FIBIN: variants seen among roughly 807,000 people sequenced by gnomAD.
The protein encoded by FIBIN is fin bud initiation factor homolog.
In FIBIN, 8 loss-of-function variants were observed where a neutral mutation model predicts 13.0. That is an observed-to-expected ratio of 0.62 (90% CI 0.36 to 1.11). The LOEUF is 1.11. Ranked by LOEUF, FIBIN falls within the 50% of genes most tolerant of loss-of-function variation. The pLI is 0.02. For missense variants in FIBIN, 261 were observed against 260.2 expected (o/e 1.00, Z -0.02); for synonymous variants, 127 against 114.7 (o/e 1.11, Z -0.69).
At position 26,995,007 on chromosome 11, in the gene FIBIN, G is replaced by A. The variant is rs1372343654; in HGVS notation, c.481G>A (p.Asp161Asn). ...CCGGCAGGAGAGCAGGCTCAACGAG[G>A]ACTTTCTGGGAATGCTGGTCCACAC... The part of the protein sequence containing the change: ...DSRQESRLNE[D>N]FLGMLVHTRS... The change falls in exon 1 of 1, where the codon GAC becomes AAC. Residue 161 changes from aspartate (D) to asparagine (N), a missense_variant. Physicochemically the swap from Asp to Asn is conservative, Grantham distance 23. Coordinates refer to ENST00000318627, the MANE Select transcript of FIBIN (RefSeq NM_203371.2). 1 of 1,613,948 alleles carries A rather than the reference G, an allele frequency of 6.2e-7. No homozygotes were observed. The highest frequency in any genetic ancestry group is 8.5e-7 in the Non-Finnish European group (1 of 1,180,038).
chr11:26,994,874 C>G lies in FIBIN; in HGVS notation c.348C>G (p.Gly116=). 1 of 1,599,318 alleles carries G rather than the reference C, an allele frequency of 6.3e-7. No individual in the cohort carries two copies. Among genetic ancestry groups the G allele is most frequent in the Admixed American group, 1.7e-5 (1 of 59,190 alleles). The change falls in exon 1 of 1, where the codon GGC becomes GGG. Residue 116 remains glycine, a synonymous_variant. Transcript: ENST00000318627. Reference sequence around the variant, plus strand: ...ACCTAGACGGGGAAGAGAGCTATGGCAAGTACCTGCGGCGGGAGTCCCACC... The same window carrying G: ...ACCTAGACGGGGAAGAGAGCTATGGGAAGTACCTGCGGCGGGAGTCCCACC... ...SYDLDGEESY[G]KYLRRESHQI... is the part of the protein sequence containing the mutation.
Position 26,994,262 on chromosome 11 carries a change from G to C in FIBIN, c.-265G>C. 2.4e-6 allele frequency: 1 copy of C among 412,964 alleles called. No individual in the cohort carries two copies. The highest frequency in any genetic ancestry group is 4.3e-6 in the Non-Finnish European group (1 of 233,078). 25.6% of individuals were successfully genotyped at this position (412,964 alleles called of 1,614,324 possible). ...CAGGGCCCCGGAGGAGGGGTTCCCC[G>C]CTACGCCTGTGCCGGAGGAGTTCCA... is the stretch of plus-strand genomic sequence containing the variant. On this transcript the variant is annotated 5_prime_UTR_variant, in exon 1 of 1. Transcript: ENST00000318627.
rs1321133719 is a variant in FIBIN, at chr11:26,996,050, AG to A, written c.*893del. 1 of 166,768 alleles carries A rather than the reference AG, an allele frequency of 6.0e-6. No homozygotes were observed. Among genetic ancestry groups the A allele is most frequent in the Admixed American group, 6.5e-5 (1 of 15,284 alleles). The allele number at this position is 166,768 out of a possible 1,614,324, so 10.3% of individuals were successfully genotyped here. A position where few individuals can be genotyped will look rare whatever the true frequency, so the allele number is the denominator to read the frequency against. Reference sequence around the variant, plus strand: ...TTTATTGGAAACTTGTACTTCAAGTAGGGGGAATCCTAATTCTAATAACTCC... The same window carrying A: ...TTTATTGGAAACTTGTACTTCAAGTAGGGGAATCCTAATTCTAATAACTCC... On this transcript the variant is annotated 3_prime_UTR_variant, in exon 1 of 1. Transcript: ENST00000318627.
At position 26,996,019 on chromosome 11, in the gene FIBIN, T is replaced by C. The variant is rs1850923423; in HGVS notation, c.*857T>C. 1 of 166,532 alleles carries C rather than the reference T, an allele frequency of 6.0e-6. No homozygotes were observed. The highest frequency in any genetic ancestry group is 6.5e-5 in the Admixed American group (1 of 15,296). 10.3% of individuals were successfully genotyped at this position (166,532 alleles called of 1,614,324 possible). On this transcript the variant is annotated 3_prime_UTR_variant, in exon 1 of 1. Transcript: ENST00000318627. ...TCTCATTTGGGGTTTTGCTTCTGTC[T>C]GTCTGTTTATTGGAAACTTGTACTT...
In FIBIN at chr11:26,994,498, G is replaced by T; in HGVS notation, c.-29G>T. On this transcript the variant is annotated 5_prime_UTR_variant, in exon 1 of 1. Transcript: ENST00000318627. ...GTGCCTGGGTAAAAAGTCTCCTCCT[G>T]GGGTCCCTGGCCATCCTGAATATCC... The T allele has an allele frequency of 1.9e-6, 3 of 1,564,398 alleles. No homozygotes were observed. Among genetic ancestry groups the T allele is most frequent in the Non-Finnish European group, 8.7e-7 (1 of 1,152,766 alleles).
chr11:26,996,344 A>C lies in FIBIN; in HGVS notation c.*1182A>C, dbSNP rs1304657637. Among the ~76,000 whole-genome samples the C allele has an allele frequency of 6.6e-6, 1 of 152,178 alleles. No homozygotes were observed. Among genetic ancestry groups the C allele is most frequent in the South Asian group, 2.1e-4 (1 of 4,830 alleles). On this transcript the variant is annotated 3_prime_UTR_variant, in exon 1 of 1. Transcript: ENST00000318627. ...TGCCCAAACTTTAAATTTGATCTCTATAGGTCTGCTTAAAGACTCAAATTT... is the reference window on the plus strand; with the variant it reads ...TGCCCAAACTTTAAATTTGATCTCTCTAGGTCTGCTTAAAGACTCAAATTT...
Position 26,995,249 on chromosome 11 carries a change from C to T in FIBIN, c.*87C>T. On this transcript the variant is annotated 3_prime_UTR_variant, in exon 1 of 1. Coordinates refer to ENST00000318627, the MANE Select transcript of FIBIN (RefSeq NM_203371.2). ...ACAGAAGATGGGGCTACATTTCCCC[C>T]ATACCTACTATTTTTTTATATCCCG... 2.3e-6 allele frequency: 3 copies of T among 1,310,254 alleles called. No individual in the cohort carries two copies. Among genetic ancestry groups the T allele is most frequent in the South Asian group, 3.0e-5 (2 of 66,072 alleles). 81.2% of individuals were successfully genotyped at this position (1,310,254 alleles called of 1,614,324 possible).
Position 26,995,217 on chromosome 11 carries a change from G to T in FIBIN, c.*55G>T. The T allele has an allele frequency of 6.6e-7, 1 of 1,512,326 alleles. No individual in the cohort carries two copies. The highest frequency in any genetic ancestry group is 8.9e-7 in the Non-Finnish European group (1 of 1,126,544). The allele number at this position is 1,512,326 out of a possible 1,614,324, so 93.7% of individuals were successfully genotyped here. Reference sequence around the variant, plus strand: ...AATCAAATCAGCCCCGTTTTGGAGGGTGGGGGACAGAAGATGGGGCTACAT... The same window carrying T: ...AATCAAATCAGCCCCGTTTTGGAGGTTGGGGGACAGAAGATGGGGCTACAT... On this transcript the variant is annotated 3_prime_UTR_variant, in exon 1 of 1. Coordinates refer to ENST00000318627, the MANE Select transcript of FIBIN (RefSeq NM_203371.2).
At position 26,994,758 on chromosome 11, in the gene FIBIN, C is replaced by G. The variant is rs1850905438; in HGVS notation, c.232C>G (p.Leu78Val). ...EGSQVGSLLS[L>V]TLREEFTVLG... The stretch of plus-strand genomic sequence containing the variant: ...GAGCCAGGTTGGCAGCCTGCTGAGC[C>G]TCACCCTGCGGGAGGAGTTCACCGT... Residue 78 changes from leucine (L) to valine (V), a missense_variant, in exon 1 of 1, where the codon CTC becomes GTC. Transcript: ENST00000318627. The G allele has an allele frequency of 6.2e-7, 1 of 1,613,122 alleles. No homozygotes were observed. The highest frequency in any genetic ancestry group is 1.3e-5 in the African/African-American group (1 of 74,868).
At position 26,994,479 on chromosome 11, in the gene FIBIN, G is replaced by A; in HGVS notation, c.-48G>A. ...CAAAGACACTCCCTTCCTTGTGCCT[G>A]GGTAAAAAGTCTCCTCCTGGGGTCC... On this transcript the variant is annotated 5_prime_UTR_variant, in exon 1 of 1. Transcript: ENST00000318627. 1.3e-6 allele frequency: 2 copies of A among 1,528,294 alleles called. No individual in the cohort carries two copies. The highest frequency in any genetic ancestry group is 1.9e-5 in the Admixed American group (1 of 51,336). 94.7% of individuals were successfully genotyped at this position (1,528,294 alleles called of 1,614,324 possible).
In FIBIN at chr11:26,994,143, T is replaced by G. The variant is rs7111860; in HGVS notation, c.-384T>G. On this transcript the variant is annotated 5_prime_UTR_variant, in exon 1 of 1. Transcript: ENST00000318627. ...ACCCAGTCCAGAAATTGAAATACTA[T>G]CAGGGGGCAAGAGCCTTTCTCTCCA... 14,293 of 184,360 alleles carry G rather than the reference T, an allele frequency of 0.078. 848 individuals carry two copies. Among genetic ancestry groups the G allele is most frequent in the African/African-American group, 0.16 (6,925 of 42,858 alleles). The allele number at this position is 184,360 out of a possible 1,614,324, so 11.4% of individuals were successfully genotyped here.
chr11:26,996,632 AAAAT>A lies in FIBIN; in HGVS notation c.*1479_*1482del, dbSNP rs1397709199. On this transcript the variant is annotated 3_prime_UTR_variant, in exon 1 of 1. Coordinates refer to ENST00000318627, the MANE Select transcript of FIBIN (RefSeq NM_203371.2). ...ACAGATACACACACACACACACACG[AAAAT>A]AAATAAATGTTCATATTCTTCTGTT... Among the ~76,000 whole-genome samples the A allele has an allele frequency of 1.3e-5, 2 of 152,150 alleles. No individual in the cohort carries two copies. The highest frequency in any genetic ancestry group is 1.9e-4 in the East Asian group (1 of 5,172).
In FIBIN at chr11:26,995,406, C is replaced by G; in HGVS notation, c.*244C>G. 2.4e-6 allele frequency: 1 copy of G among 413,368 alleles called. No individual in the cohort carries two copies. Among genetic ancestry groups the G allele is most frequent in the Non-Finnish European group, 4.4e-6 (1 of 226,758 alleles). The allele number at this position is 413,368 out of a possible 1,614,324, so 25.6% of individuals were successfully genotyped here. On this transcript the variant is annotated 3_prime_UTR_variant, in exon 1 of 1. Coordinates refer to ENST00000318627, the MANE Select transcript of FIBIN (RefSeq NM_203371.2). Reference sequence around the variant, plus strand: ...TTATGGAATTGTCACCTGGAAAGAACAATTTTAAGCAATGTCATTTCTAGA... The same window carrying G: ...TTATGGAATTGTCACCTGGAAAGAAGAATTTTAAGCAATGTCATTTCTAGA...
Position 26,995,094 on chromosome 11 carries a change from C to T in FIBIN, c.568C>T (p.Leu190=). 6.2e-7 allele frequency: 1 copy of T among 1,613,978 alleles called. No individual in the cohort carries two copies. The highest frequency in any genetic ancestry group is 8.5e-7 in the Non-Finnish European group (1 of 1,179,960). ...GGGGCTCAGGGACAAATACGAGCTG[C>T]TGGCCCTCACCATTAGGAGCCATGG... ...SVGLRDKYEL[L]ALTIRSHGTR... Residue 190 remains leucine, a synonymous_variant, in exon 1 of 1, where the codon CTG becomes TTG. Transcript: ENST00000318627.
In FIBIN at chr11:26,995,148, T is replaced by C. The variant is rs1246951384; in HGVS notation, c.622T>C (p.Tyr208His). Residue 208 changes from tyrosine to histidine, a missense_variant, in exon 1 of 1, where the codon TAT (tyrosine) becomes CAT (histidine). By Grantham distance (83) the Tyr-to-His change is moderately conservative. Transcript: ENST00000318627. ...GTRLGRLKNDYLKV is the reference protein window; with the variant it reads ...GTRLGRLKNDHLKV ...CCGACTAGGTCGGCTGAAAAATGAT[T>C]ATCTTAAAGTATAGGTGGAAGGATA... 1 of 1,599,140 alleles carries C rather than the reference T, an allele frequency of 6.3e-7. No homozygotes were observed. Among genetic ancestry groups the C allele is most frequent in the Non-Finnish European group, 8.5e-7 (1 of 1,173,816 alleles).
Position 26,994,700 on chromosome 11 carries a change from G to T in FIBIN, c.174G>T (p.Val58=). Residue 58 remains valine, a synonymous_variant, in exon 1 of 1, where the codon GTG becomes GTT. Coordinates refer to ENST00000318627, the MANE Select transcript of FIBIN (RefSeq NM_203371.2). The stretch of plus-strand genomic sequence containing the variant: ...AGAAGTGCCAGCTGCTCTTCAGGGT[G>T]AGTGACCACAGGCGCTGCTCCCAGG... ...DPEKCQLLFR[V]SDHRRCSQGE... 6.2e-7 allele frequency: 1 copy of T among 1,613,752 alleles called. No individual in the cohort carries two copies. The highest frequency in any genetic ancestry group is 2.2e-5 in the East Asian group (1 of 44,824).
At position 26,994,718 on chromosome 11, in the gene FIBIN, C is replaced by T. The variant is rs35462253; in HGVS notation, c.192C>T (p.Cys64=). Reference sequence around the variant, plus strand: ...TCAGGGTGAGTGACCACAGGCGCTGCTCCCAGGGGGAGGGGAGCCAGGTTG... The same window carrying T: ...TCAGGGTGAGTGACCACAGGCGCTGTTCCCAGGGGGAGGGGAGCCAGGTTG... ...LLFRVSDHRR[C]SQGEGSQVGS... Residue 64 remains cysteine, a synonymous_variant, in exon 1 of 1, where the codon TGC becomes TGT. Coordinates refer to ENST00000318627, the MANE Select transcript of FIBIN (RefSeq NM_203371.2). The T allele has an allele frequency of 3.5e-3, 5,573 of 1,613,616 alleles. 156 individuals are homozygous for T. In the African/African-American group the frequency reaches 0.066, roughly 19 times the overall value.
chr11:26,995,188 A>C lies in FIBIN; in HGVS notation c.*26A>C. On this transcript the variant is annotated 3_prime_UTR_variant, in exon 1 of 1. Transcript: ENST00000318627. ...GTGGAAGGATACAAATGCTAGAAAG[A>C]GGGAATCAAATCAGCCCCGTTTTGG... 6.4e-7 allele frequency: 1 copy of C among 1,555,634 alleles called. No homozygotes were observed. Among genetic ancestry groups the C allele is most frequent in the Non-Finnish European group, 8.7e-7 (1 of 1,151,380 alleles).
chr11:26,996,202 AT>A lies in FIBIN; in HGVS notation c.*1043del. The A allele has an allele frequency of 6.0e-6, 1 of 167,040 alleles. No individual in the cohort carries two copies. Among genetic ancestry groups the A allele is most frequent in the African/African-American group, 2.4e-5 (1 of 41,576 alleles). The allele number at this position is 167,040 out of a possible 1,614,324, so 10.3% of individuals were successfully genotyped here. A position where few individuals can be genotyped will look rare whatever the true frequency, so the allele number is the denominator to read the frequency against. ...ATGCAAAAGGAGAGAGAAGGACTGGATTTAAGCCAGTTTACTTAGAGTATAT... is the reference window on the plus strand; with the variant it reads ...ATGCAAAAGGAGAGAGAAGGACTGGATTAAGCCAGTTTACTTAGAGTATAT... On this transcript the variant is annotated 3_prime_UTR_variant, in exon 1 of 1. Transcript: ENST00000318627.
Sources: gnomAD v4.1 joint callset for allele counts (sites outside exome capture counted in the v4.1 genomes callset) on GRCh38, gnomAD v4.1.1 for gene constraint, MANE v1.5 for transcripts, NCBI Gene and HGNC (gene_info 2026-07-23, HGNC 2026-07-21) for gene names.